The following CERT1 variants were observed in gnomAD, a reference collection of about 807,000 sequenced individuals.
The protein encoded by CERT1 is ceramide transporter 1.
A neutral mutation model predicts 87.9 loss-of-function variants in CERT1; 31 were observed. That is an observed-to-expected ratio of 0.35 (90% CI 0.27 to 0.48). The LOEUF is 0.48. Ranked by LOEUF, CERT1 falls within the 20% of genes least tolerant of loss-of-function variation. The probability of loss-of-function intolerance (pLI) is 0.99; values close to 1 mark genes in which losing one functional copy is unlikely to be tolerated. For missense variants in CERT1, 487 were observed against 758.0 expected (o/e 0.64, Z 4.20); for synonymous variants, 289 against 250.9 (o/e 1.15, Z -1.44).
At chr5:75,368,856 T>A (rs1760983529) in intron 17 of CERT1, 1 of 152,310 alleles carries the variant, frequency 6.6e-6, no homozygotes, top group East Asian at 1.9e-4. Context: ...AGCACCTCCA[T>A]TTATGATGTG....
At position 75,382,082 on chromosome 5, in the gene CERT1, G is replaced by GT. The variant is rs578098835; in HGVS notation, c.1489-6_1489-5insA. 270 of 1,608,926 alleles carry GT rather than the reference G, an allele frequency of 1.7e-4. No individual in the cohort carries two copies. The East Asian group carries it at 4.8e-3, about 29-fold the overall frequency. The stretch of plus-strand genomic sequence containing the variant: ...CTGAGAAGCAGGCCACACCCTCTGT[G>GT]GAGAAGTAAAAATCTTTTGAAAAAC... On this transcript the variant is annotated splice_polypyrimidine_tract_variant and splice_region_variant and intron_variant, in intron 14 of 16. Transcript: ENST00000643780.
intron 3 of CERT1, among the ~76,000 whole-genome samples, chr5:75,435,605 T>A (rs1263463239): frequency 1.3e-5 from 2 of 152,204 alleles, no homozygotes; most frequent in Non-Finnish European, 2.9e-5. Flanking sequence ...TTTCTTTTTT[T>A]ATATTGTTTG....
At chr5:75,495,907 A>G (rs1767039770) in intron 2 of CERT1, among the ~76,000 whole-genome samples, 3 of 152,042 alleles carry the variant, frequency 2.0e-5, no homozygotes, top group African/African-American at 7.2e-5. Flanking sequence ...GTACCCTAAA[A>G]CTTAAAGTAT....
At chr5:75,494,800 CCT>C (rs1031700060) in intron 2 of CERT1, among the ~76,000 whole-genome samples, 6 of 152,178 alleles carry the variant, frequency 3.9e-5, no homozygotes, top group African/African-American at 1.4e-4. Flanking sequence ...TCTGTAGTTT[CCT>C]CTCTTGTCCA....
intron 5 of CERT1, among the ~76,000 whole-genome samples, chr5:75,422,603 G>T (rs1235903501): frequency 6.6e-6 from 1 of 152,028 alleles, no homozygotes; most frequent in African/African-American, 2.4e-5. Context: ...GGTGACAGAG[G>T]GAGACCCAGT....
chr5:75,425,054 G>C (rs907806352), intron 5 of CERT1, among the ~76,000 whole-genome samples: 4 of 152,080 alleles, frequency 2.6e-5, no homozygotes, highest in Admixed American at 6.5e-5. Context: ...GAAGTTTGAG[G>C]CTGCAGTGAG....
At chr5:75,472,522 C>A (rs6873472) in intron 2 of CERT1, among the ~76,000 whole-genome samples, 82,580 of 152,046 alleles carry the variant, frequency 0.54, 25,620 homozygotes, top group African/African-American at 0.86. Context: ...CAAACTATAT[C>A]TCTGATAAGG....
intron 1 of CERT1, among the ~76,000 whole-genome samples, chr5:75,507,911 A>T (rs1334778527): frequency 1.3e-5 from 2 of 152,178 alleles, no homozygotes; most frequent in Non-Finnish European, 2.9e-5. Flanking sequence ...GTAAACCCTT[A>T]AATTTGCCTC....
chr5:75,508,896 T>C, intron 1 of CERT1, among the ~76,000 whole-genome samples: 1 of 152,086 alleles, frequency 6.6e-6, no homozygotes, highest in South Asian at 2.1e-4. Context: ...ATTCAGAAAT[T>C]GAATGAGATT....
chr5:75,378,709 C>A lies in CERT1; in HGVS notation c.*637G>T, dbSNP rs1761428213. Reference sequence around the variant, plus strand: ...TTTAACATTCAAAAATATGTCAGTACATACACAGAAAAATCTGGAGGAATA... The same window carrying A: ...TTTAACATTCAAAAATATGTCAGTAAATACACAGAAAAATCTGGAGGAATA... On this transcript the variant is annotated 3_prime_UTR_variant, in exon 17 of 17. Coordinates refer to ENST00000643780, the MANE Select transcript of CERT1 (RefSeq NM_001379029.1). 6.6e-6 allele frequency: 1 copy of A among 152,096 alleles called. No individual in the cohort carries two copies. The highest frequency in any genetic ancestry group is 1.5e-5 in the Non-Finnish European group (1 of 68,032). 9.4% of individuals were successfully genotyped at this position (152,096 alleles called of 1,614,324 possible). A position where few individuals can be genotyped will look rare whatever the true frequency, so the allele number is the denominator to read the frequency against.
At chr5:75,414,937 G>A (rs1020083605) in intron 7 of CERT1, among the ~76,000 whole-genome samples, 23 of 151,882 alleles carry the variant, frequency 1.5e-4, no homozygotes, top group African/African-American at 5.6e-4. Flanking sequence ...TGTTATCATT[G>A]TACTTTCTTT....
chr5:75,488,339 T>C (rs984913987), intron 2 of CERT1, among the ~76,000 whole-genome samples: 4 of 152,014 alleles, frequency 2.6e-5, no homozygotes, highest in African/African-American at 9.7e-5. Flanking sequence ...TCATAATATT[T>C]TTTTTAAAAA....
intron 3 of CERT1, among the ~76,000 whole-genome samples, chr5:75,450,086 A>C (rs981131471): frequency 6.6e-6 from 1 of 152,242 alleles, no homozygotes; most frequent in Admixed American, 6.5e-5. Context: ...AGAAGAACCC[A>C]CCTGAAAAAT....
intron 3 of CERT1, among the ~76,000 whole-genome samples, chr5:75,458,439 CTTTT>C (rs1337795118): frequency 6.6e-6 from 1 of 151,936 alleles, no homozygotes; most frequent in Non-Finnish European, 1.5e-5. Context: ...TTCAAAAATC[CTTTT>C]ATTTAGATCA....
chr5:75,370,373 C>G (rs149054346), intron 17 of CERT1: 4 of 152,130 alleles, frequency 2.6e-5, no homozygotes, highest in Non-Finnish European at 4.4e-5. Context: ...TGAGATTAAA[C>G]GAGATTTAAA....
intron 14 of CERT1, among the ~76,000 whole-genome samples, chr5:75,384,121 G>A (rs972877459): frequency 1.3e-5 from 2 of 152,100 alleles, no homozygotes; most frequent in Non-Finnish European, 2.9e-5. Context: ...TGTTGTCACA[G>A]GAAGCTATAA....
intron 2 of CERT1, 169 bp downstream of exon 2, chr5:75,505,813 T>C (rs965245461): frequency 2.1e-6 from 1 of 478,548 alleles, no homozygotes. Flanking sequence ...CAATATGTAG[T>C]AAAAACCACA....
At chr5:75,454,537 C>T (rs1764891446) in intron 3 of CERT1, among the ~76,000 whole-genome samples, 1 of 152,146 alleles carries the variant, frequency 6.6e-6, no homozygotes, top group Non-Finnish European at 1.5e-5. Flanking sequence ...CCTGCAACAT[C>T]AACAATGCAT....
intron 1 of CERT1, among the ~76,000 whole-genome samples, chr5:75,510,280 A>C (rs1767874933): frequency 6.6e-6 from 1 of 152,164 alleles, no homozygotes; most frequent in African/African-American, 2.4e-5. Flanking sequence ...ATCTTCTTAC[A>C]GCAAAAACTT....
Sources: gnomAD v4.1 joint callset for allele counts (sites outside exome capture counted in the v4.1 genomes callset) on GRCh38, gnomAD v4.1.1 for gene constraint, MANE v1.5 for transcripts, NCBI Gene and HGNC (gene_info 2026-07-23, HGNC 2026-07-21) for gene names.